The following LUZP2 variants were observed in gnomAD, a reference collection of about 807,000 sequenced individuals.
The protein encoded by LUZP2 is leucine zipper protein 2.
In LUZP2, 52 loss-of-function variants were observed where a neutral mutation model predicts 51.6. The ratio of observed to expected loss-of-function variants is 1.01; its 90% CI spans 0.81 to 1.27. LUZP2 has a LOEUF of 1.27. Among genes scored for constraint, LUZP2 ranks in the 50% most tolerant of loss-of-function variants. The pLI, the probability that LUZP2 is intolerant of heterozygous loss-of-function variation, is 0.00. For synonymous variants in LUZP2, 154 were observed against 137.3 expected (o/e 1.12, Z -0.85); for missense variants, 436 against 395.4 (o/e 1.10, Z -0.87).
chr11:24,613,961 A>G (rs952468695), intron 1 of LUZP2, among the ~76,000 whole-genome samples: 2 of 151,898 alleles, frequency 1.3e-5, no homozygotes, highest in South Asian at 2.1e-4. Flanking sequence ...TTAACCGCCA[A>G]CTCTTTGGTG....
intron 5 of LUZP2, among the ~76,000 whole-genome samples, chr11:24,844,365 A>G (rs1271054170): frequency 3.9e-5 from 6 of 152,194 alleles, no homozygotes; most frequent in Admixed American, 3.9e-4. Context: ...GATTTAGGGT[A>G]TCTGGCAGAA....
At chr11:24,859,197 C>A (rs1851659701) in intron 5 of LUZP2, among the ~76,000 whole-genome samples, 1 of 152,098 alleles carries the variant, frequency 6.6e-6, no homozygotes, top group African/African-American at 2.4e-5. Context: ...TATATTAAGT[C>A]ATCTTATTTT....
At chr11:24,821,764 C>G (rs1330831360) in intron 5 of LUZP2, among the ~76,000 whole-genome samples, 2 of 151,802 alleles carry the variant, frequency 1.3e-5, no homozygotes, top group Non-Finnish European at 2.9e-5. Flanking sequence ...AATTGAAAAA[C>G]AGTCAAGAAA....
intron 5 of LUZP2, among the ~76,000 whole-genome samples, chr11:24,838,068 C>A (rs1164068313): frequency 6.8e-6 from 1 of 147,970 alleles, no homozygotes; most frequent in Non-Finnish European, 1.5e-5. Context: ...ACTATTTTTT[C>A]TCATTTAATA....
intron 5 of LUZP2, among the ~76,000 whole-genome samples, chr11:24,775,017 T>C (rs969770946): frequency 1.3e-5 from 2 of 151,448 alleles, no homozygotes; most frequent in African/African-American, 4.8e-5. Flanking sequence ...ATATTTGCCA[T>C]ATAATATAAA....
intron 1 of LUZP2, among the ~76,000 whole-genome samples, chr11:24,507,154 T>C (rs1259156349): frequency 3.9e-5 from 6 of 152,110 alleles, no homozygotes; most frequent in Admixed American, 6.6e-5. Flanking sequence ...GAATGATAAT[T>C]ACCTGTGATG....
chr11:25,071,603 G>A (rs1859159984), intron 10 of LUZP2, among the ~76,000 whole-genome samples: 1 of 151,680 alleles, frequency 6.6e-6, no homozygotes. Flanking sequence ...GTGGAAATCT[G>A]CTTTTCAGGA....
intron 5 of LUZP2, among the ~76,000 whole-genome samples, chr11:24,782,557 A>G (rs1849124922): frequency 6.6e-6 from 1 of 152,000 alleles, no homozygotes; most frequent in Non-Finnish European, 1.5e-5. Flanking sequence ...CTTAACACAT[A>G]AGCTCCTGGT....
At chr11:24,967,160 C>G (rs1855607769) in intron 7 of LUZP2, among the ~76,000 whole-genome samples, 1 of 151,696 alleles carries the variant, frequency 6.6e-6, no homozygotes, top group Non-Finnish European at 1.5e-5. Context: ...ATTAGTCCTA[C>G]AGCTAGTGCT....
intron 7 of LUZP2, among the ~76,000 whole-genome samples, chr11:24,932,304 G>GGAGGATACA (rs1854478106): frequency 6.6e-6 from 1 of 151,942 alleles, no homozygotes; most frequent in Non-Finnish European, 1.5e-5. Context: ...CAAGCTTGCT[G>GGAGGATACA]TAGGGTCTCC....
chr11:24,672,374 A>G (rs1211598496), intron 1 of LUZP2, among the ~76,000 whole-genome samples: 1 of 152,204 alleles, frequency 6.6e-6, no homozygotes. Flanking sequence ...GAAAGCCACA[A>G]TAAATTAACT....
chr11:25,077,264 T>G (rs1859336960), intron 10 of LUZP2, 65 bp from the exon 11 acceptor site: 2 of 1,218,950 alleles, frequency 1.6e-6, no homozygotes, highest in Non-Finnish European at 2.4e-6. Context: ...GAGAGTGTTT[T>G]TGACTCCCCC....
intron 1 of LUZP2, among the ~76,000 whole-genome samples, chr11:24,545,616 G>A (rs921440175): frequency 2.3e-5 from 3 of 128,290 alleles, no homozygotes; most frequent in African/African-American, 8.7e-5. Context: ...TCTTATTTCT[G>A]GGTTCTCTAT....
chr11:24,776,847 C>A (rs574558891), intron 5 of LUZP2, among the ~76,000 whole-genome samples: 1 of 152,134 alleles, frequency 6.6e-6, no homozygotes, highest in Non-Finnish European at 1.5e-5. Context: ...TGTTTCCAAT[C>A]CTCAGAGATT....
intron 5 of LUZP2, among the ~76,000 whole-genome samples, chr11:24,808,979 A>AAAT (rs1849938060): frequency 6.6e-6 from 1 of 152,154 alleles, no homozygotes; most frequent in South Asian, 2.1e-4. Context: ...ATAGTTATTT[A>AAAT]ATTTTCTTTT....
intron 1 of LUZP2, among the ~76,000 whole-genome samples, chr11:24,597,976 C>T (rs934211280): frequency 1.3e-5 from 2 of 151,950 alleles, no homozygotes; most frequent in Admixed American, 6.6e-5. Flanking sequence ...TGGCAGGCAT[C>T]TGTAATCCCA....
intron 5 of LUZP2, among the ~76,000 whole-genome samples, chr11:24,826,515 C>T (rs1025638899): frequency 7.1e-6 from 1 of 140,516 alleles, no homozygotes; most frequent in Non-Finnish European, 1.6e-5. Flanking sequence ...GAGTATTAAA[C>T]TTTTTTTTTT....
chr11:25,016,843 A>G (rs1857174532), intron 9 of LUZP2, among the ~76,000 whole-genome samples: 1 of 152,044 alleles, frequency 6.6e-6, no homozygotes, highest in South Asian at 2.1e-4. Flanking sequence ...TTTTTGAGAA[A>G]TCGTCACACG....
intron 1 of LUZP2, among the ~76,000 whole-genome samples, chr11:24,704,560 A>C (rs1264492027): frequency 6.6e-6 from 1 of 151,832 alleles, no homozygotes; most frequent in Non-Finnish European, 1.5e-5. Flanking sequence ...AGAATATGTC[A>C]GTGAGTGGAA....
Sources: allele counts gnomAD v4.1 joint callset (sites outside exome capture counted in the v4.1 genomes callset), GRCh38; gene constraint gnomAD v4.1.1; transcripts MANE v1.5; gene names NCBI Gene and HGNC (gene_info 2026-07-23, HGNC 2026-07-21).